TBC1D12: variants seen among roughly 807,000 people sequenced by gnomAD.
TBC1D12 encodes TBC1 domain family, member 12.
Under a neutral mutation model 86.7 loss-of-function variants are expected in TBC1D12, and 56 were observed. The observed-to-expected ratio is 0.65, with a 90% CI of 0.52 to 0.81. TBC1D12 has a LOEUF of 0.81. Among genes scored for constraint, TBC1D12 ranks in the 30% least tolerant of loss-of-function variants. TBC1D12 has a pLI of 0.00. For missense variants in TBC1D12, 1,023 were observed against 1,038.8 expected, an observed-to-expected ratio of 0.98 and a Z score of 0.21; for synonymous variants, 421 against 411.7, an observed-to-expected ratio of 1.02 and a Z score of -0.27.
chr10:94,505,370 G>A (rs2056447253), intron 6 of TBC1D12, among the ~76,000 whole-genome samples: 1 of 152,158 alleles, frequency 6.6e-6, no homozygotes, highest in Admixed American at 6.6e-5. Context: ...CATGAGGCCA[G>A]GAGTTCAAGA....
chr10:94,495,940 A>G (rs1262722854), intron 4 of TBC1D12, among the ~76,000 whole-genome samples: 1 of 152,068 alleles, frequency 6.6e-6, no homozygotes, highest in Non-Finnish European at 1.5e-5. Context: ...TGTCTCTACT[A>G]AAAATACAAA....
chr10:94,503,951 A>G (rs1304527505), intron 6 of TBC1D12, among the ~76,000 whole-genome samples: 1 of 152,180 alleles, frequency 6.6e-6, no homozygotes, highest in Non-Finnish European at 1.5e-5. Flanking sequence ...AGAACTTAAA[A>G]ACTTTTAGAA....
intron 11 of TBC1D12, among the ~76,000 whole-genome samples, chr10:94,526,167 C>T (rs1022059002): frequency 1.3e-5 from 2 of 152,152 alleles, no homozygotes; most frequent in Non-Finnish European, 2.9e-5. Context: ...TGCGATGGCT[C>T]ATGCTCATAA....
chr10:94,452,432 G>A (rs2055564581), intron 2 of TBC1D12, among the ~76,000 whole-genome samples: 1 of 152,090 alleles, frequency 6.6e-6, no homozygotes, highest in African/African-American at 2.4e-5. Flanking sequence ...ATTGTGCTGT[G>A]TGTATTCATT....
At chr10:94,465,813 TAC>T (rs2055808091) in intron 2 of TBC1D12, among the ~76,000 whole-genome samples, 1 of 146,764 alleles carries the variant, frequency 6.8e-6, no homozygotes, top group Non-Finnish European at 1.5e-5. Context: ...CATATACGCA[TAC>T]ATACACATAT....
intron 1 of TBC1D12, among the ~76,000 whole-genome samples, chr10:94,407,611 G>C (rs949955458): frequency 5.3e-5 from 8 of 151,992 alleles, no homozygotes; most frequent in African/African-American, 1.9e-4. Flanking sequence ...TAGAACCCTG[G>C]GGGGAGGTTG....
At chr10:94,458,936 A>G (rs1390152077) in intron 2 of TBC1D12, among the ~76,000 whole-genome samples, 1 of 152,132 alleles carries the variant, frequency 6.6e-6, no homozygotes. Context: ...AGCAAGATTT[A>G]TTGCGAAGAG....
intron 2 of TBC1D12, among the ~76,000 whole-genome samples, chr10:94,468,368 G>A (rs1398576091): frequency 6.6e-6 from 1 of 152,094 alleles, no homozygotes; most frequent in Non-Finnish European, 1.5e-5. Context: ...CTGGTCTACT[G>A]ACAACAAATT....
At chr10:94,463,345 G>A (rs1368647171) in intron 2 of TBC1D12, among the ~76,000 whole-genome samples, 1 of 152,166 alleles carries the variant, frequency 6.6e-6, no homozygotes, top group Non-Finnish European at 1.5e-5. Flanking sequence ...GCTTCATCTG[G>A]TAAGAGTCCT....
chr10:94,422,185 G>GTTT (rs57798611), intron 1 of TBC1D12, among the ~76,000 whole-genome samples: 149 of 106,770 alleles, frequency 1.4e-3, no homozygotes, highest in African/African-American at 2.3e-3. Flanking sequence ...GGTTCATGTA[G>GTTT]TTTTTTTTTT....
At chr10:94,433,957 A>C (rs2055256532) in intron 1 of TBC1D12, among the ~76,000 whole-genome samples, 1 of 152,176 alleles carries the variant, frequency 6.6e-6, no homozygotes. Flanking sequence ...TGTAAAAAAA[A>C]CAATAAAATT....
chr10:94,520,544 T>C (rs1842122931), intron 9 of TBC1D12, among the ~76,000 whole-genome samples: 1 of 144,436 alleles, frequency 6.9e-6, no homozygotes, highest in Non-Finnish European at 1.5e-5. Context: ...AGGGTGAAAC[T>C]CCATCTCAAA....
At chr10:94,473,315 A>G (rs1415602523) in intron 2 of TBC1D12, among the ~76,000 whole-genome samples, 1 of 151,364 alleles carries the variant, frequency 6.6e-6, no homozygotes, top group Non-Finnish European at 1.5e-5. Flanking sequence ...AGCCGAGACC[A>G]TGCCACTGCA....
rs757365953 is a variant in TBC1D12 at position 94,402,991 on chromosome 10, C to A, written c.378C>A (p.Arg126=). 1.9e-6 allele frequency: 3 copies of A among 1,574,804 alleles called. No homozygotes were observed. The East Asian group carries it at 7.5e-5, about 39-fold the overall frequency. ...GCGGCGCGGAGGTGGCTGATGGCCG[C>A]GCGCCGCGGCACGAAGGCATGACCA... is the stretch of plus-strand genomic sequence containing the variant. ...KHRGAEVADG[R]APRHEGMTNG... The change falls in exon 1 of 13, where the codon CGC becomes CGA. Residue 126 remains arginine, a synonymous_variant. Transcript: ENST00000225235.
chr10:94,423,099 TGAAA>T (rs1270347083), intron 1 of TBC1D12, among the ~76,000 whole-genome samples: 1 of 151,488 alleles, frequency 6.6e-6, no homozygotes, highest in South Asian at 2.1e-4. Flanking sequence ...GGCCCTGTCT[TGAAA>T]GAAAGAAAGA....
chr10:94,441,733 A>C (rs749503746), intron 1 of TBC1D12, among the ~76,000 whole-genome samples, 163 bp from the exon 2 acceptor site: 2 of 152,154 alleles, frequency 1.3e-5, no homozygotes, highest in Non-Finnish European at 2.9e-5. Context: ...ACATATTCTT[A>C]ATTGAGCCTT....
intron 2 of TBC1D12, among the ~76,000 whole-genome samples, chr10:94,451,223 T>C (rs552015032): frequency 6.6e-6 from 1 of 152,204 alleles, no homozygotes; most frequent in South Asian, 2.1e-4. Flanking sequence ...TTTGAGATGA[T>C]GGCTATGGTA....
chr10:94,520,214 A>G (rs1022367554), intron 9 of TBC1D12, among the ~76,000 whole-genome samples: 5 of 152,208 alleles, frequency 3.3e-5, no homozygotes, highest in African/African-American at 1.2e-4. Flanking sequence ...TCAAAATAGT[A>G]TGGTAATGGA....
At chr10:94,477,249 C>T (rs1055642928) in intron 3 of TBC1D12, among the ~76,000 whole-genome samples, 11 of 152,074 alleles carry the variant, frequency 7.2e-5, no homozygotes, top group Admixed American at 2.0e-4. Flanking sequence ...GGTTAATTAA[C>T]AATTTTGTTC....
Sources: allele counts gnomAD v4.1 joint callset (sites outside exome capture counted in the v4.1 genomes callset), GRCh38; gene constraint gnomAD v4.1.1; transcripts MANE v1.5; gene names NCBI Gene and HGNC (gene_info 2026-07-23, HGNC 2026-07-21).